Variants in C16orf74 observed in about 807,000 individuals in gnomAD.
The protein encoded by C16orf74 is calcimembrin.
In C16orf74, 10 loss-of-function variants were observed where a neutral mutation model predicts 6.5. That is an observed-to-expected ratio of 1.54 (90% CI 0.95 to 2.61). The LOEUF is 2.61. C16orf74 is among the 30% of genes most tolerant of loss of function. C16orf74 has a pLI of 0.00. For missense variants in C16orf74, 141 were observed against 105.9 expected, an observed-to-expected ratio of 1.33 and a Z score of -1.45; for synonymous variants, 60 against 42.5, an observed-to-expected ratio of 1.41 and a Z score of -1.60.
intron 2 of C16orf74, among the ~76,000 whole-genome samples, chr16:85,716,065 G>C (rs1030472292): frequency 6.6e-6 from 1 of 152,164 alleles, no homozygotes; most frequent in Non-Finnish European, 1.5e-5. Flanking sequence ...TAACAGGAGG[G>C]AGCTTCCCTG....
At chr16:85,742,935 T>C (rs2054326301) in intron 1 of C16orf74, among the ~76,000 whole-genome samples, 1 of 152,236 alleles carries the variant, frequency 6.6e-6, no homozygotes, top group Non-Finnish European at 1.5e-5. Context: ...ACTGTTGTCA[T>C]CCTTGTCACT....
chr16:85,727,788 T>C (rs775175366), intron 2 of C16orf74, among the ~76,000 whole-genome samples: 1 of 150,334 alleles, frequency 6.7e-6, no homozygotes, highest in African/African-American at 2.5e-5. Flanking sequence ...CACTCCAGCC[T>C]GGGCAACAGA....
intron 1 of C16orf74, among the ~76,000 whole-genome samples, chr16:85,740,560 G>A (rs915054876): frequency 1.3e-5 from 2 of 152,008 alleles, no homozygotes; most frequent in East Asian, 3.9e-4. Flanking sequence ...AAATTAGCCA[G>A]GCGTGGTGGC....
At chr16:85,746,264 C>T (rs1231831000) in intron 1 of C16orf74, among the ~76,000 whole-genome samples, 1 of 152,124 alleles carries the variant, frequency 6.6e-6, no homozygotes, top group Non-Finnish European at 1.5e-5. Flanking sequence ...GCAGGAGAAT[C>T]GCTTGAACTT....
intron 2 of C16orf74, among the ~76,000 whole-genome samples, chr16:85,717,420 C>A (rs1233322193): frequency 6.6e-6 from 1 of 152,186 alleles, no homozygotes; most frequent in East Asian, 1.9e-4. Flanking sequence ...AACCCCTGAG[C>A]TAGGGCCACT....
At chr16:85,750,091 C>T (rs1446024825) in intron 1 of C16orf74, among the ~76,000 whole-genome samples, 1 of 152,230 alleles carries the variant, frequency 6.6e-6, no homozygotes, top group East Asian at 1.9e-4. Flanking sequence ...CAGGGTATCC[C>T]TCTCAGAGCC....
chr16:85,737,872 C>T (rs959357400), intron 1 of C16orf74, among the ~76,000 whole-genome samples: 3 of 152,166 alleles, frequency 2.0e-5, no homozygotes, highest in South Asian at 2.1e-4. Flanking sequence ...AACCCGCAGC[C>T]CTCCAGCTGC....
At chr16:85,747,779 A>G (rs1444891655) in intron 1 of C16orf74, among the ~76,000 whole-genome samples, 1 of 152,170 alleles carries the variant, frequency 6.6e-6, no homozygotes, top group Non-Finnish European at 1.5e-5. Flanking sequence ...GGTATCAATC[A>G]GTACATACAA....
In C16orf74 at chr16:85,722,304, A is replaced by G. The variant is rs1333485440; in HGVS notation, c.29-11997T>C. On this transcript the variant is annotated intron_variant, in intron 2 of 3. Transcript: ENST00000284245. ...GCACCATTATTACTGCTTTGGAAGG[A>G]GTAGTATAAGCAGGCCGATTCCAGT... is the stretch of plus-strand genomic sequence containing the variant. 3.3e-5 allele frequency among the ~76,000 whole-genome samples: 5 copies of G among 152,276 alleles called. No individual in the cohort carries two copies. In the East Asian group the frequency reaches 9.7e-4, roughly 29 times the overall value.
chr16:85,742,468 G>A (rs887303976), intron 1 of C16orf74, among the ~76,000 whole-genome samples: 1 of 152,146 alleles, frequency 6.6e-6, no homozygotes, highest in African/African-American at 2.4e-5. Flanking sequence ...CTTCCGCCTT[G>A]AGTGGAAGCA....
intron 2 of C16orf74, among the ~76,000 whole-genome samples, chr16:85,712,525 G>A (rs1308756101): frequency 1.3e-5 from 2 of 152,224 alleles, no homozygotes; most frequent in Non-Finnish European, 2.9e-5. Context: ...CTGAGAGGCA[G>A]GTTACACCTG....
chr16:85,737,022 GAC>G (rs1394465798), intron 1 of C16orf74, among the ~76,000 whole-genome samples: 1 of 151,826 alleles, frequency 6.6e-6, no homozygotes, highest in Non-Finnish European at 1.5e-5. Flanking sequence ...CAGCCTGGGC[GAC>G]AGAGTGAGAC....
At chr16:85,738,754 G>A (rs391990) in intron 1 of C16orf74, among the ~76,000 whole-genome samples, 60,399 of 151,598 alleles carry the variant, frequency 0.4, 12,402 homozygotes, top group Middle Eastern at 0.5. Flanking sequence ...GAGGGCCCAG[G>A]CCTGTGGGAG....
intron 1 of C16orf74, among the ~76,000 whole-genome samples, chr16:85,745,173 C>T (rs758615460): frequency 1.6e-4 from 23 of 146,630 alleles, no homozygotes; most frequent in African/African-American, 5.7e-4. Context: ...AAAAAATCTC[C>T]CTGTCGCCAA....
chr16:85,742,168 T>C (rs78934189), intron 1 of C16orf74, among the ~76,000 whole-genome samples: 49,444 of 152,012 alleles, frequency 0.33, 9,101 homozygotes, highest in East Asian at 0.67. Flanking sequence ...AGGTCAGGAG[T>C]TTGAGACCAG....
At chr16:85,720,634 G>A (rs2054072757) in intron 2 of C16orf74, among the ~76,000 whole-genome samples, 1 of 152,066 alleles carries the variant, frequency 6.6e-6, no homozygotes, top group African/African-American at 2.4e-5. Context: ...AAATTAGCCA[G>A]ATGTGGTGAT....
rs544547367 is a variant in C16orf74 at position 85,724,244 on chromosome 16, G to A, written c.28+10946C>T. Reference sequence around the variant, plus strand: ...ACAAAGCCAGGGAGACCCCCGGTGGGACCGTGAGTCCCAGCACCTCCCCAT... The same window carrying A: ...ACAAAGCCAGGGAGACCCCCGGTGGAACCGTGAGTCCCAGCACCTCCCCAT... On this transcript the variant is annotated intron_variant, in intron 2 of 3. Transcript: ENST00000284245. Among the ~76,000 whole-genome samples the A allele has an allele frequency of 3.3e-5, 5 of 152,272 alleles. No individual in the cohort carries two copies. The South Asian group carries it at 6.2e-4, about 19-fold the overall frequency.
At chr16:85,729,604 TA>T (rs2054167615) in intron 2 of C16orf74, among the ~76,000 whole-genome samples, 1 of 152,184 alleles carries the variant, frequency 6.6e-6, no homozygotes, top group African/African-American at 2.4e-5. Context: ...AATATGACCT[TA>T]TTTGGAAATG....
intron 3 of C16orf74, among the ~76,000 whole-genome samples, chr16:85,709,410 A>G (rs1206138495): frequency 2.6e-5 from 4 of 152,144 alleles, no homozygotes; most frequent in Non-Finnish European, 5.9e-5. Context: ...CTTAACTCTG[A>G]ACTCTGAGAA....
Sources: gnomAD v4.1 joint callset for allele counts (sites outside exome capture counted in the v4.1 genomes callset) on GRCh38, gnomAD v4.1.1 for gene constraint, MANE v1.5 for transcripts, NCBI Gene and HGNC (gene_info 2026-07-23, HGNC 2026-07-21) for gene names.